Variants in GOSR2 observed in about 807,000 individuals in gnomAD.
GOSR2 encodes golgi SNAP receptor complex member 2.
Under a neutral mutation model 27.9 loss-of-function variants are expected in GOSR2, and 20 were observed. That is an observed-to-expected ratio of 0.72 (90% CI 0.50 to 1.04). GOSR2 has a LOEUF of 1.04. Among genes scored for constraint, GOSR2 ranks in the 50% least tolerant of loss-of-function variants. The pLI, the probability that GOSR2 is intolerant of heterozygous loss-of-function variation, is 0.00. For synonymous variants in GOSR2, 91 were observed against 98.8 expected, an observed-to-expected ratio of 0.92 and a Z score of 0.47; for missense variants, 261 against 270.5, an observed-to-expected ratio of 0.97 and a Z score of 0.25.
At chr17:46,935,748 C>A in intron 5 of GOSR2, 2 of 987,638 alleles carry the variant, frequency 2.0e-6, no homozygotes, top group Non-Finnish European at 2.4e-6. Flanking sequence ...TCCTAGAAGC[C>A]CTGACCAGTT....
chr17:46,974,987 CTTTTTTTTTTTTTTTTTTTT>C (rs58438726), intron 6 of GOSR2, among the ~76,000 whole-genome samples: 1 of 119,062 alleles, frequency 8.4e-6, no homozygotes, highest in Admixed American at 8.9e-5. Flanking sequence ...TTACTATTTT[CTTTTTTTTTTTTTTTTTTTT>C]TTTTTTATGT....
chr17:46,964,448 A>G, intron 6 of GOSR2: 1 of 152,244 alleles, frequency 6.6e-6, no homozygotes, highest in South Asian at 2.1e-4. Context: ...GCTGGAGAAC[A>G]GAACATGGCC....
chr17:46,943,247 G>C (rs1241332279), downstream of GOSR2, among the ~76,000 whole-genome samples: 5 of 152,178 alleles, frequency 3.3e-5, no homozygotes, highest in African/African-American at 1.2e-4. Context: ...GGATCAGAAG[G>C]AGCCAGATCC....
At chr17:46,972,111 G>A (rs973424878) in intron 6 of GOSR2, among the ~76,000 whole-genome samples, 12 of 152,054 alleles carry the variant, frequency 7.9e-5, no homozygotes, top group African/African-American at 2.7e-4. Flanking sequence ...AGAGACACCC[G>A]GAGGGGACAG....
downstream of GOSR2, among the ~76,000 whole-genome samples, chr17:46,945,309 G>A (rs1226169613): frequency 1.3e-5 from 2 of 152,190 alleles, no homozygotes; most frequent in African/African-American, 4.8e-5. Flanking sequence ...AGTTCATGCT[G>A]CTGAGATGCT....
chr17:46,946,873 A>G (rs1391911633), downstream of GOSR2, among the ~76,000 whole-genome samples: 1 of 152,224 alleles, frequency 6.6e-6, no homozygotes, highest in Non-Finnish European at 1.5e-5. Context: ...AATTTTAAAA[A>G]AACAAAAATT....
In GOSR2 at chr17:46,941,846, A is replaced by G. The variant is rs997892827; in HGVS notation, c.*3086A>G. ...AGTGATCTGCCTGCTTCGGCCTCCC[A>G]AAGTTCTAGGGTTACAGGTGTTAGC... On this transcript the variant is annotated 3_prime_UTR_variant, in exon 6 of 6. Coordinates refer to ENST00000640051, the MANE Select transcript of GOSR2 (RefSeq NM_004287.5). 1.4e-5 allele frequency: 11 copies of G among 807,550 alleles called. No homozygotes were observed. The highest frequency in any genetic ancestry group is 1.6e-5 in the Non-Finnish European group (11 of 667,600). 50.0% of individuals were successfully genotyped at this position (807,550 alleles called of 1,614,324 possible).
intron 2 of GOSR2, 36 bp downstream of exon 2, chr17:46,929,620 CT>C (rs1485649038): frequency 9.7e-7 from 1 of 1,032,450 alleles, no homozygotes; most frequent in South Asian, 1.3e-5. Flanking sequence ...AGTCCTTTCT[CT>C]GATGACAGGG....
rs2089231034 is a variant in GOSR2 at position 46,941,200 on chromosome 17, C to T, written c.*2440C>T. On this transcript the variant is annotated 3_prime_UTR_variant, in exon 6 of 6. Coordinates refer to ENST00000640051, the MANE Select transcript of GOSR2 (RefSeq NM_004287.5). ...CTGTAAGAAAAGCCAAACTCCAAGACCAAGTAAGTTAGAGGAGTCTTGATT... is the reference window on the plus strand; with the variant it reads ...CTGTAAGAAAAGCCAAACTCCAAGATCAAGTAAGTTAGAGGAGTCTTGATT... 1.0e-6 allele frequency: 1 copy of T among 1,001,324 alleles called. No homozygotes were observed. Among genetic ancestry groups the T allele is most frequent in the African/African-American group, 1.7e-5 (1 of 57,690 alleles). The allele number at this position is 1,001,324 out of a possible 1,614,324, so 62.0% of individuals were successfully genotyped here.
At chr17:46,958,089 A>G (rs71375371) in intron 6 of GOSR2, among the ~76,000 whole-genome samples, 2,654 of 152,200 alleles carry the variant, frequency 0.017, 44 homozygotes, top group Non-Finnish European at 0.024. Flanking sequence ...ACCCATGGAG[A>G]GTGGGTCTCC....
rs909664511 is a variant in GOSR2, at chr17:46,934,921, C to G, written c.337-108C>G. 25 of 971,488 alleles carry G rather than the reference C, an allele frequency of 2.6e-5. No homozygotes were observed. In the African/African-American group the frequency reaches 3.5e-4, roughly 14 times the overall value. 60.2% of individuals were successfully genotyped at this position (971,488 alleles called of 1,614,324 possible). ...CATTAGGGTCCGCTGATTCTTTCAC[C>G]AGCCCCTCCGGCTGTTCTGGCTTGG... On this transcript the variant is annotated intron_variant, in intron 4 of 5. Transcript: ENST00000640051.
chr17:46,942,210 GAA>G (rs899880906), downstream of GOSR2, among the ~76,000 whole-genome samples: 4 of 152,170 alleles, frequency 2.6e-5, no homozygotes, highest in Non-Finnish European at 5.9e-5. Context: ...CCAAAGCAAA[GAA>G]AGAAACGTCA....
At chr17:46,954,184 C>G (rs2090560857) in intron 6 of GOSR2, among the ~76,000 whole-genome samples, 1 of 152,184 alleles carries the variant, frequency 6.6e-6, no homozygotes, top group South Asian at 2.1e-4. Context: ...ACATGTAAGT[C>G]TTTAATCCAT....
chr17:46,953,687 C>G (rs554218157), intron 6 of GOSR2, among the ~76,000 whole-genome samples: 1 of 152,196 alleles, frequency 6.6e-6, no homozygotes, highest in African/African-American at 2.4e-5. Flanking sequence ...GTTCCTATTT[C>G]TCTCCAGCAG....
intron 6 of GOSR2, among the ~76,000 whole-genome samples, chr17:46,958,176 G>A (rs2090843014): frequency 6.6e-6 from 1 of 152,216 alleles, no homozygotes. Context: ...GGAATGGGGA[G>A]CAGGCTGCCA....
In GOSR2 at chr17:46,966,388, C is replaced by A; in HGVS notation, c.584-146C>A. The A allele has an allele frequency of 3.6e-6, 2 of 551,836 alleles. 1 individual carries two copies. The highest frequency in any genetic ancestry group is 4.9e-5 in the South Asian group (2 of 40,716). 34.2% of individuals were successfully genotyped at this position (551,836 alleles called of 1,614,324 possible). A position where few individuals can be genotyped will look rare whatever the true frequency, so the allele number is the denominator to read the frequency against. On this transcript the variant is annotated intron_variant, in intron 6 of 6. Transcript: ENST00000573224. ...GTGACCTCCTCACACCTCTTCAAGG[C>A]CCTCAGATACCTGGTCCTTGTGACT...
At chr17:46,934,843 C>T (rs1222240411) in intron 4 of GOSR2, among the ~76,000 whole-genome samples, 186 bp from the exon 5 acceptor site, 1 of 152,232 alleles carries the variant, frequency 6.6e-6, no homozygotes, top group East Asian at 1.9e-4. Flanking sequence ...GAGGAAGTTC[C>T]TCTTCTGTGT....
chr17:46,926,214 T>C (rs2086471428), intron 1 of GOSR2, among the ~76,000 whole-genome samples: 1 of 152,150 alleles, frequency 6.6e-6, no homozygotes, highest in Non-Finnish European at 1.5e-5. Context: ...ATGAGCGAAA[T>C]GTAAAGGCAA....
chr17:46,943,138 C>T (rs1280816636), downstream of GOSR2, among the ~76,000 whole-genome samples: 1 of 152,174 alleles, frequency 6.6e-6, no homozygotes, highest in East Asian at 1.9e-4. Context: ...AACATCAACC[C>T]AAGGCTAGCC....
Sources: allele counts gnomAD v4.1 joint callset (sites outside exome capture counted in the v4.1 genomes callset), GRCh38; gene constraint gnomAD v4.1.1; transcripts MANE v1.5; gene names NCBI Gene and HGNC (gene_info 2026-07-23, HGNC 2026-07-21).